Variants in PRSS56 observed in about 807,000 individuals in gnomAD.
PRSS56 encodes serine protease 56, also known as protease, serine 56.
A neutral mutation model predicts 66.8 loss-of-function variants in PRSS56; 55 were observed. The ratio of observed to expected loss-of-function variants is 0.82; its 90% CI spans 0.66 to 1.03. The LOEUF (loss-of-function observed/expected upper bound fraction) is 1.03. Ranked by LOEUF, PRSS56 falls within the 50% of genes least tolerant of loss-of-function variation. PRSS56 has a pLI of 0.00. For synonymous variants in PRSS56, 409 were observed against 387.9 expected, an observed-to-expected ratio of 1.05 and a Z score of -0.64; for missense variants, 869 against 837.2, an observed-to-expected ratio of 1.04 and a Z score of -0.47.
At chr2:232,524,001 G>T in intron 9 of PRSS56, 38 bp from the exon 10 acceptor site, 1 of 1,524,878 alleles carries the variant, frequency 6.6e-7, no homozygotes, top group Non-Finnish European at 8.7e-7. Context: ...GGCCTGGCCA[G>T]CCTCTGACCG....
Position 232,522,083 on chromosome 2 carries a change from G to T in PRSS56, c.369G>T (p.Gln123His). 2 of 1,517,238 alleles carry T rather than the reference G, an allele frequency of 1.3e-6. No homozygotes were observed. Among genetic ancestry groups the T allele is most frequent in the South Asian group, 2.4e-5 (2 of 82,218 alleles). 94.0% of individuals were successfully genotyped at this position (1,517,238 alleles called of 1,614,324 possible). ...CCTGGCCCTGGCTGGTGAGGCTGCA[G>T]CTCGGCGGGCAGCCTCTGTGCGGCG... ...PGAWPWLVRL[Q>H]LGGQPLCGGV... Residue 123 changes from glutamine (Q) to histidine (H), a missense_variant, in exon 4 of 13, where the codon CAG (glutamine) becomes CAT (histidine). Around this residue, in one of 3 missense-constraint regions of PRSS56, gnomAD observed 315 missense variants for 313.7 expected, o/e 1.00. Transcript: ENST00000617714.
Position 232,521,440 on chromosome 2 carries a change from GC to G in PRSS56, c.205+18del, listed in dbSNP as rs370334682. On this transcript the variant is annotated intron_variant, in intron 2 of 12. Coordinates refer to ENST00000617714, the MANE Select transcript of PRSS56 (RefSeq NM_001195129.2). ...GCACGAGTGCCGAGGTGCCCACCCT[GC>G]CCCCCGTGCCCCAGTGAGCTTGCTG... 0.013 allele frequency: 19,187 copies of G among 1,529,928 alleles called. 258 individuals carry two copies. The highest frequency in any genetic ancestry group is 0.044 in the Admixed American group (2,263 of 50,990). The allele number at this position is 1,529,928 out of a possible 1,614,324, so 94.8% of individuals were successfully genotyped here.
At position 232,524,062 on chromosome 2, in the gene PRSS56, C is replaced by G; in HGVS notation, c.1210C>G (p.Leu404Val). 1.3e-6 allele frequency: 2 copies of G among 1,524,544 alleles called. No individual in the cohort carries two copies. 94.4% of individuals were successfully genotyped at this position (1,524,544 alleles called of 1,614,324 possible). A position where few individuals can be genotyped will look rare whatever the true frequency, so the allele number is the denominator to read the frequency against. ...RCELRSLAHT[L>V]LGLLRNAQEL... ...AGAGCTGCGCTCGCTGGCGCACACGCTGCTGGGCCTGCTGCGGAACGCGCA... is the reference window on the plus strand; with the variant it reads ...AGAGCTGCGCTCGCTGGCGCACACGGTGCTGGGCCTGCTGCGGAACGCGCA... Residue 404 changes from leucine (L) to valine (V), a missense_variant, in exon 10 of 13, where the codon CTG (leucine) becomes GTG (valine). Transcript: ENST00000617714.
Position 232,524,052 on chromosome 2 carries a change from G to A in PRSS56, c.1200G>A (p.Leu400=), listed in dbSNP as rs747127374. ...TCCGGTCCGCAGAGCTGCGCTCGCT[G>A]GCGCACACGCTGCTGGGCCTGCTGC... ...QRRRRCELRS[L]AHTLLGLLRN... Residue 400 remains leucine (L), a synonymous_variant, in exon 10 of 13, where the codon CTG becomes CTA. Coordinates refer to ENST00000617714, the MANE Select transcript of PRSS56 (RefSeq NM_001195129.2). 2.6e-6 allele frequency: 4 copies of A among 1,524,638 alleles called. No individual in the cohort carries two copies. Among genetic ancestry groups the A allele is most frequent in the Non-Finnish European group, 2.6e-6 (3 of 1,142,908 alleles). The allele number at this position is 1,524,638 out of a possible 1,614,324, so 94.4% of individuals were successfully genotyped here. A position where few individuals can be genotyped will look rare whatever the true frequency, so the allele number is the denominator to read the frequency against.
Position 232,520,467 on chromosome 2 carries a change from A to G in PRSS56, c.-132A>G. 1.3e-6 allele frequency: 1 copy of G among 741,542 alleles called. No individual in the cohort carries two copies. The highest frequency in any genetic ancestry group is 2.7e-5 in the East Asian group (1 of 37,144). 45.9% of individuals were successfully genotyped at this position (741,542 alleles called of 1,614,324 possible). Reference sequence around the variant, plus strand: ...TGATGTAAGAGAACGGGGTCAGATGATTTGAGGGACAAGAATTCAGTGCCC... The same window carrying G: ...TGATGTAAGAGAACGGGGTCAGATGGTTTGAGGGACAAGAATTCAGTGCCC... On this transcript the variant is annotated 5_prime_UTR_variant, in exon 1 of 13. Transcript: ENST00000617714.
rs926396223 is a variant in PRSS56, at chr2:232,522,350, C to A, written c.447-165C>A. Among the ~76,000 whole-genome samples, 11 of 152,096 alleles carry A rather than the reference C, an allele frequency of 7.2e-5. 1 individual carries two copies. Among genetic ancestry groups the A allele is most frequent in the African/African-American group, 2.7e-4 (11 of 41,438 alleles). ...GGATGCCAGCCCGGAGGGGGTGGCA[C>A]GGCCGGGCGAGTTCGCCCCCTCTGG... On this transcript the variant is annotated intron_variant, in intron 4 of 12. Coordinates refer to ENST00000617714, the MANE Select transcript of PRSS56 (RefSeq NM_001195129.2).
At position 232,522,807 on chromosome 2, in the gene PRSS56, G is replaced by A. The variant is rs2106201323; in HGVS notation, c.652G>A (p.Glu218Lys). 6.7e-7 allele frequency: 1 copy of A among 1,502,294 alleles called. No homozygotes were observed. Among genetic ancestry groups the A allele is most frequent in the Non-Finnish European group, 8.9e-7 (1 of 1,126,262 alleles). 93.1% of individuals were successfully genotyped at this position (1,502,294 alleles called of 1,614,324 possible). The change falls in exon 6 of 13, where the codon GAG becomes AAG. Residue 218 changes from glutamate to lysine, a missense_variant. Coordinates refer to ENST00000617714, the MANE Select transcript of PRSS56 (RefSeq NM_001195129.2). Reference sequence around the variant, plus strand: ...CGTGTGCCTGCCCCAGGAGCCCCAGGAGCCCCCTGCCGGAACCGCCTGCGC... The same window carrying A: ...CGTGTGCCTGCCCCAGGAGCCCCAGAAGCCCCCTGCCGGAACCGCCTGCGC... ...RPVCLPQEPQ[E>K]PPAGTACAIA...
rs1224652239 is a variant in PRSS56, at chr2:232,521,859, T to C, written c.249T>C (p.Pro83=). The change falls in exon 3 of 13, where the codon CCT becomes CCC. Residue 83 remains proline (P), a synonymous_variant. Coordinates refer to ENST00000617714, the MANE Select transcript of PRSS56 (RefSeq NM_001195129.2). ...PRPQALLQDP[P]EPGPCGERRP... ...CTCAAGCTCTCCTCCAGGACCCACC[T>C]GAGCCAGGTGAGGTTGAAAAGGCTC... The C allele has an allele frequency of 2.3e-5, 35 of 1,535,858 alleles. No homozygotes were observed. The East Asian group carries it at 8.6e-4, about 38-fold the overall frequency.
Position 232,525,366 on chromosome 2 carries a change from G to T in PRSS56, c.1672G>T (p.Ala558Ser), listed in dbSNP as rs758291049. 1.6e-5 allele frequency: 25 copies of T among 1,533,398 alleles called. No homozygotes were observed. The highest frequency in any genetic ancestry group is 3.6e-4 in the Middle Eastern group (2 of 5,556). 95.0% of individuals were successfully genotyped at this position (1,533,398 alleles called of 1,614,324 possible). A position where few individuals can be genotyped will look rare whatever the true frequency, so the allele number is the denominator to read the frequency against. The change falls in exon 13 of 13, where the codon GCC becomes TCC. Residue 558 changes from alanine (A) to serine (S), a missense_variant. Physicochemically the swap from Ala to Ser is moderately conservative, Grantham distance 99 (BLOSUM62 1). Transcript: ENST00000617714. ...CAGCCTCCCCCGGCTGCTGGTGCAG[G>T]CCCTGCAGGCCTTCCGCGTGGCTGC... ...ARSLPRLLVQ[A>S]LQAFRVAALA...
At chr2:232,524,991 G>A (rs1303998850) in intron 12 of PRSS56, 147 bp downstream of exon 12, 24 of 797,376 alleles carry the variant, frequency 3.0e-5, no homozygotes, top group Middle Eastern at 5.5e-4. Context: ...TAGAGGGTCC[G>A]AGGGGAAGGG....
Position 232,522,164 on chromosome 2 carries a change from A to T in PRSS56, c.446+4A>T. On this transcript the variant is annotated splice_donor_region_variant and intron_variant, in intron 4 of 12. Transcript: ENST00000617714. The stretch of plus-strand genomic sequence containing the variant: ...CGGCAGCGCACTGCTTTGTAGGGTA[A>T]GTAGGACCCCCAGGCCTTGCCCAGC... 6.7e-7 allele frequency: 1 copy of T among 1,492,110 alleles called. No individual in the cohort carries two copies. Among genetic ancestry groups the T allele is most frequent in the Non-Finnish European group, 8.9e-7 (1 of 1,126,122 alleles). The allele number at this position is 1,492,110 out of a possible 1,614,324, so 92.4% of individuals were successfully genotyped here. A position where few individuals can be genotyped will look rare whatever the true frequency, so the allele number is the denominator to read the frequency against.
At position 232,522,034 on chromosome 2, in the gene PRSS56, G is replaced by A. The variant is rs757549931; in HGVS notation, c.320G>A (p.Gly107Glu). ...ACGCGGGCCCACGGCCGCATCGTGG[G>A]GGGCAGCGCGGCGCCGCCCGGGGCC... ...NVTRAHGRIV[G>E]GSAAPPGAWP... Residue 107 changes from glycine (G) to glutamate (E), a missense_variant, in exon 4 of 13, where the codon GGG becomes GAG. Physicochemically the swap from Gly to Glu is moderately conservative, Grantham distance 98. This residue lies in a region of PRSS56 where 315 missense variants were observed against 313.7 expected (regional missense o/e 1.00). Transcript: ENST00000617714. 2.0e-5 allele frequency: 29 copies of A among 1,466,456 alleles called. No individual in the cohort carries two copies. In the South Asian group the frequency reaches 3.0e-4, roughly 15 times the overall value. The allele number at this position is 1,466,456 out of a possible 1,614,324, so 90.8% of individuals were successfully genotyped here.
intron 1 of PRSS56, 60 bp downstream of exon 1, chr2:232,520,755 C>A: frequency 8.4e-7 from 1 of 1,196,348 alleles, no homozygotes; most frequent in Non-Finnish European, 1.2e-6. Flanking sequence ...AAGTGGGACC[C>A]TGGGCGGGCG....
At chr2:232,521,216 C>A in intron 1 of PRSS56, 105 bp from the exon 2 acceptor site, 1 of 862,160 alleles carries the variant, frequency 1.2e-6, no homozygotes, top group Non-Finnish European at 1.8e-6. Flanking sequence ...TCATTCTGTC[C>A]CAGGCTGGTG....
intron 4 of PRSS56, 53 bp downstream of exon 4, chr2:232,522,213 G>T (rs1691294459): frequency 5.1e-6 from 7 of 1,367,138 alleles, no homozygotes; most frequent in Non-Finnish European, 6.7e-6. Flanking sequence ...GCTGGGCCCC[G>T]CACCTGCCGG....
intron 2 of PRSS56, 112 bp from the exon 3 acceptor site, chr2:232,521,704 G>C: frequency 4.6e-6 from 5 of 1,086,396 alleles, no homozygotes; most frequent in Non-Finnish European, 6.6e-6. Context: ...AACCCGTGTG[G>C]GCTGGAGGGC....
At chr2:232,523,618 A>G in intron 8 of PRSS56, 40 bp downstream of exon 8, 2 of 1,503,898 alleles carry the variant, frequency 1.3e-6, no homozygotes, top group South Asian at 1.3e-5. Flanking sequence ...CCAGTGCCCC[A>G]ACGGACAACC....
rs1465052097 is a variant in PRSS56, at chr2:232,522,977, G to A, written c.707-83G>A. 10 of 935,986 alleles carry A rather than the reference G, an allele frequency of 1.1e-5. No homozygotes were observed. The South Asian group carries it at 1.4e-4, about 13-fold the overall frequency. 58.0% of individuals were successfully genotyped at this position (935,986 alleles called of 1,614,324 possible). ...GCTGCCTGCTCTTTCAAAGGGGGAG[G>A]AATCAAGGGGGGTGGTGGGAAGGGG... is the stretch of plus-strand genomic sequence containing the variant. On this transcript the variant is annotated intron_variant, in intron 6 of 12. Transcript: ENST00000617714.
In PRSS56 at chr2:232,525,599, A is replaced by C; in HGVS notation, c.*93A>C. 1 of 378,274 alleles carries C rather than the reference A, an allele frequency of 2.6e-6. No individual in the cohort carries two copies. The highest frequency in any genetic ancestry group is 4.4e-6 in the Non-Finnish European group (1 of 227,398). 23.4% of individuals were successfully genotyped at this position (378,274 alleles called of 1,614,324 possible). A position where few individuals can be genotyped will look rare whatever the true frequency, so the allele number is the denominator to read the frequency against. ...CATAATGACAAACTGTCGCTGCCCC[A>C]GTGGCTGGGTGTGTGTGGGTGGGAT... is the stretch of plus-strand genomic sequence containing the variant. On this transcript the variant is annotated 3_prime_UTR_variant, in exon 13 of 13. Coordinates refer to ENST00000617714, the MANE Select transcript of PRSS56 (RefSeq NM_001195129.2).
Sources: gnomAD v4.1 joint callset for allele counts (sites outside exome capture counted in the v4.1 genomes callset) on GRCh38, gnomAD v4.1.1 for gene constraint, gnomAD v4.1.1 regional missense constraint, MANE v1.5 for transcripts, NCBI Gene and HGNC (gene_info 2026-07-23, HGNC 2026-07-21) for gene names.